Variants in DAB1 observed in about 807,000 individuals in gnomAD.
DAB1 encodes disabled homolog 1.
Under a neutral mutation model 64.6 loss-of-function variants are expected in DAB1, and 15 were observed. The ratio of observed to expected loss-of-function variants is 0.23; its 90% CI spans 0.16 to 0.36. DAB1 has a LOEUF of 0.36. DAB1 is among the 10% of genes least tolerant of loss of function. DAB1 has a pLI of 1.00. For synonymous variants in DAB1, 235 were observed against 251.9 expected (o/e 0.93, Z 0.64); for missense variants, 596 against 706.7 (o/e 0.84, Z 1.78).
At chr1:57,565,492 A>T (rs1645107180) in intron 7 of DAB1, among the ~76,000 whole-genome samples, 1 of 152,198 alleles carries the variant, frequency 6.6e-6, no homozygotes, top group African/African-American at 2.4e-5. Flanking sequence ...TTGGATAAAG[A>T]GTCAAGACCC....
At chr1:58,083,882 G>A (rs531997489) in intron 5 of DAB1, among the ~76,000 whole-genome samples, 11 of 152,282 alleles carry the variant, frequency 7.2e-5, no homozygotes, top group African/African-American at 2.6e-4. Context: ...GCAGAGACCC[G>A]CATGAAGTCA....
At chr1:58,098,996 G>T (rs542549159) in intron 5 of DAB1, among the ~76,000 whole-genome samples, 1 of 152,264 alleles carries the variant, frequency 6.6e-6, no homozygotes, top group South Asian at 2.1e-4. Context: ...GGCCATGGAG[G>T]GGCAAATGGA....
chr1:57,575,421 C>CA (rs779397758), intron 7 of DAB1, among the ~76,000 whole-genome samples: 9 of 152,188 alleles, frequency 5.9e-5, no homozygotes, highest in Non-Finnish European at 1.2e-4. Flanking sequence ...TTCTCAACCT[C>CA]ATAGACTGGA....
At chr1:57,631,166 A>G (rs1344882296) in intron 7 of DAB1, among the ~76,000 whole-genome samples, 1 of 152,174 alleles carries the variant, frequency 6.6e-6, no homozygotes, top group Admixed American at 6.5e-5. Flanking sequence ...AAACCTGTGT[A>G]TAGTCTTTAT....
intron 6 of DAB1, among the ~76,000 whole-genome samples, chr1:57,818,900 A>G (rs1651991050): frequency 6.6e-6 from 1 of 152,128 alleles, no homozygotes; most frequent in Non-Finnish European, 1.5e-5. Flanking sequence ...ATTCTAACCA[A>G]TCAACTAGCC....
chr1:57,077,761 T>C (rs1652123066), intron 4 of DAB1, among the ~76,000 whole-genome samples: 1 of 147,410 alleles, frequency 6.8e-6, no homozygotes, highest in African/African-American at 2.5e-5. Context: ...GAAAGTCATC[T>C]GCTGAAGATT....
At chr1:57,260,660 C>T (rs943192153) in intron 2 of DAB1, among the ~76,000 whole-genome samples, 4 of 152,182 alleles carry the variant, frequency 2.6e-5, no homozygotes, top group Non-Finnish European at 5.9e-5. Flanking sequence ...CCCCATGGTA[C>T]AGATAAGGCA....
intron 3 of DAB1, among the ~76,000 whole-genome samples, chr1:58,417,622 C>G (rs112268690): frequency 3.9e-5 from 6 of 152,336 alleles, no homozygotes; most frequent in African/African-American, 1.4e-4. Flanking sequence ...TAGGTTGCCT[C>G]TCCATCCCAT....
chr1:57,861,092 G>T (rs997782436), intron 1 of DAB1: 2 of 152,294 alleles, frequency 1.3e-5, no homozygotes, highest in South Asian at 4.1e-4. Context: ...GGGGAGGCAA[G>T]AGAATATAGG....
At chr1:57,034,278 CAA>C (rs375684000) in intron 9 of DAB1, among the ~76,000 whole-genome samples, 13 of 119,202 alleles carry the variant, frequency 1.1e-4, no homozygotes, top group Middle Eastern at 4.6e-3. Flanking sequence ...GACTCCATTT[CAA>C]AAAAAAAAAA....
intron 3 of DAB1, among the ~76,000 whole-genome samples, chr1:57,137,833 T>C (rs1312040547): frequency 6.6e-6 from 1 of 152,136 alleles, no homozygotes; most frequent in Non-Finnish European, 1.5e-5. Context: ...TGACCAGAGG[T>C]ATGAGGAAGG....
chr1:57,063,516 G>T (rs1650610320), intron 8 of DAB1, among the ~76,000 whole-genome samples: 1 of 152,136 alleles, frequency 6.6e-6, no homozygotes, highest in Non-Finnish European at 1.5e-5. Flanking sequence ...GTACGCAGAA[G>T]ATCTTGAGGG....
At chr1:57,725,373 A>T (rs1647196197) in intron 6 of DAB1, among the ~76,000 whole-genome samples, 1 of 152,078 alleles carries the variant, frequency 6.6e-6, no homozygotes. Context: ...GGGCCCACCA[A>T]CCCGGAGTCG....
intron 3 of DAB1, among the ~76,000 whole-genome samples, chr1:58,427,620 G>A (rs1340791982): frequency 6.6e-6 from 1 of 152,188 alleles, no homozygotes; most frequent in Admixed American, 6.5e-5. Flanking sequence ...GAAAAGGAGA[G>A]CCAAGGATAG....
At chr1:58,136,107 A>G (rs1212196775) in intron 5 of DAB1, among the ~76,000 whole-genome samples, 1 of 152,212 alleles carries the variant, frequency 6.6e-6, no homozygotes, top group Non-Finnish European at 1.5e-5. Flanking sequence ...ATGTTGCAGT[A>G]AAACATAGCA....
At chr1:58,403,864 G>T (rs1644593586) in intron 3 of DAB1, among the ~76,000 whole-genome samples, 1 of 152,034 alleles carries the variant, frequency 6.6e-6, no homozygotes, top group African/African-American at 2.4e-5. Context: ...CACTAAACAG[G>T]ATTTTGAACC....
At chr1:57,795,690 GATATATATATAT>G (rs3081038) in intron 6 of DAB1, among the ~76,000 whole-genome samples, 14,207 of 69,076 alleles carry the variant, frequency 0.21, 1,322 homozygotes, top group Middle Eastern at 0.26. Context: ...TATGCTTGGA[GATATATATATAT>G]ATATATATAT....
intron 2 of DAB1, among the ~76,000 whole-genome samples, chr1:57,146,886 C>T (rs1014826575): frequency 2.0e-5 from 3 of 152,142 alleles, no homozygotes; most frequent in Non-Finnish European, 2.9e-5. Context: ...ACTGAACTGT[C>T]TGAGCCTCAG....
At chr1:57,839,391 C>G (rs1053895353) in intron 1 of DAB1, among the ~76,000 whole-genome samples, 1 of 152,176 alleles carries the variant, frequency 6.6e-6, no homozygotes, top group Admixed American at 6.5e-5. Flanking sequence ...CAGATCTCTC[C>G]TATTCTTCTC....
Sources: allele counts gnomAD v4.1 joint callset (sites outside exome capture counted in the v4.1 genomes callset), GRCh38; gene constraint gnomAD v4.1.1; transcripts MANE v1.5; gene names NCBI Gene and HGNC (gene_info 2026-07-23, HGNC 2026-07-21).